The following CCDC30 variants were observed in gnomAD, a reference collection of about 807,000 sequenced individuals.
CCDC30 encodes the protein coiled-coil domain containing 30.
In CCDC30, 70 loss-of-function variants were observed where a neutral mutation model predicts 100.2. That is an observed-to-expected ratio of 0.70 (90% CI 0.58 to 0.85). The LOEUF (loss-of-function observed/expected upper bound fraction) is 0.85, where lower values mean the gene tolerates loss of function less well. Among genes scored for constraint, CCDC30 ranks in the 40% least tolerant of loss-of-function variants. The pLI, the probability that CCDC30 is intolerant of heterozygous loss-of-function variation, is 0.00. For missense variants in CCDC30, 652 were observed against 771.2 expected, an observed-to-expected ratio of 0.85 and a Z score of 1.83; for synonymous variants, 233 against 269.5, an observed-to-expected ratio of 0.86 and a Z score of 1.33.
chr1:42,603,125 G>C (rs934026356), intron 10 of CCDC30, among the ~76,000 whole-genome samples: 3 of 152,146 alleles, frequency 2.0e-5, no homozygotes, highest in Non-Finnish European at 4.4e-5. Context: ...ATTTCTTCCA[G>C]TCCTAGAGGT....
chr1:42,587,674 A>T (rs1458944643), intron 9 of CCDC30, among the ~76,000 whole-genome samples: 2 of 152,188 alleles, frequency 1.3e-5, no homozygotes, highest in African/African-American at 4.8e-5. Context: ...TACTGAAGTT[A>T]GAGAAAACAA....
upstream of CCDC30, chr1:42,460,314 A>G: frequency 6.1e-6 from 6 of 990,166 alleles, no homozygotes; most frequent in Non-Finnish European, 7.2e-6. Flanking sequence ...CTGAGCCATG[A>G]GGATTAAAAA....
rs149916724 is a variant in CCDC30, at chr1:42,467,376, C to T, written c.-92+3478C>T. ...AATAGTAGGCAAGCCTAAACTAAGG[C>T]AGTAACCCTAGACATGGAGAGGATG... On this transcript the variant is annotated intron_variant, in intron 1 of 16. Coordinates refer to ENST00000668663, the Ensembl canonical transcript of CCDC30. Among the ~76,000 whole-genome samples, 341 of 152,266 alleles carry T rather than the reference C, an allele frequency of 2.2e-3. 2 individuals carry two copies. Among genetic ancestry groups the T allele is most frequent in the African/African-American group, 7.9e-3 (328 of 41,550 alleles).
chr1:42,646,697 CCCT>C (rs1391670521), intron 15 of CCDC30, among the ~76,000 whole-genome samples: 1 of 152,200 alleles, frequency 6.6e-6, no homozygotes, highest in Non-Finnish European at 1.5e-5. Context: ...CCAGGATAAC[CCCT>C]TTGGGACCTC....
At chr1:42,566,399 A>G in exon 7 of CCDC30, 10 of 1,614,064 alleles carry the variant, frequency 6.2e-6, no homozygotes, top group Non-Finnish European at 8.5e-6. Context: ...TCAGCTGAAA[A>G]TGAGCTTCGA....
intron 1 of CCDC30, among the ~76,000 whole-genome samples, chr1:42,478,746 G>A (rs2148451610): frequency 6.6e-6 from 1 of 152,222 alleles, no homozygotes; most frequent in African/African-American, 2.4e-5. Context: ...GGAACGGAGT[G>A]AGATCCTGTC....
intron 6 of CCDC30, among the ~76,000 whole-genome samples, chr1:42,561,775 G>T (rs1645492749): frequency 6.6e-6 from 1 of 152,160 alleles, no homozygotes; most frequent in South Asian, 2.1e-4. Flanking sequence ...CAAAATCAAT[G>T]TGCAAAAACC....
At chr1:42,642,177 G>A (rs774284160) in intron 12 of CCDC30, among the ~76,000 whole-genome samples, 3 of 151,908 alleles carry the variant, frequency 2.0e-5, no homozygotes, top group African/African-American at 4.8e-5. Flanking sequence ...AGTGAGCAGA[G>A]ATCACGCCAC....
Position 42,539,317 on chromosome 1 carries a change from C to A in CCDC30, c.457-26979C>A. The A allele has an allele frequency of 6.3e-7, 1 of 1,593,266 alleles. No homozygotes were observed. The highest frequency in any genetic ancestry group is 1.2e-5 in the South Asian group (1 of 86,104). ...TTCTGAATTAGAAACAAAGGTGAGA[C>A]TGAGTTAGGTATTTAAATGTTCAAT... On this transcript the variant is annotated intron_variant, in intron 6 of 16. Transcript: ENST00000668663.
chr1:42,563,667 A>G (rs887366756), intron 6 of CCDC30, among the ~76,000 whole-genome samples: 2 of 152,194 alleles, frequency 1.3e-5, no homozygotes, highest in African/African-American at 2.4e-5. Context: ...GATCACCTTC[A>G]GAAGTTGGAG....
At chr1:42,471,894 A>T (rs77886465) in intron 1 of CCDC30, among the ~76,000 whole-genome samples, 5 of 145,066 alleles carry the variant, frequency 3.4e-5, no homozygotes, top group Non-Finnish European at 6.1e-5. Flanking sequence ...TTTTGCTTTT[A>T]AAAAGCAAAA....
upstream of CCDC30, among the ~76,000 whole-genome samples, chr1:42,461,980 T>C (rs768257126): frequency 1.3e-5 from 2 of 152,148 alleles, no homozygotes; most frequent in Non-Finnish European, 2.9e-5. Context: ...ATTCATAGCT[T>C]TATGTGGATG....
chr1:42,637,260 A>C (rs1647178519), exon 12 of CCDC30: 2 of 1,585,174 alleles, frequency 1.3e-6, no homozygotes, highest in Non-Finnish European at 1.7e-6. Context: ...AAACATCACC[A>C]ACAAAAAGTC....
intron 11 of CCDC30, among the ~76,000 whole-genome samples, chr1:42,618,568 T>C (rs977447611): frequency 6.6e-6 from 1 of 152,178 alleles, no homozygotes; most frequent in African/African-American, 2.4e-5. Flanking sequence ...CAAACGTTCC[T>C]AGCAGAAAGG....
chr1:42,619,327 G>A (rs931686852), intron 11 of CCDC30, among the ~76,000 whole-genome samples: 8 of 152,160 alleles, frequency 5.3e-5, no homozygotes, highest in Admixed American at 2.6e-4. Flanking sequence ...CTGCAAAAAC[G>A]CATTTAAGGG....
the CCDC30 span, chr1:42,457,458 G>C: frequency 5.3e-6 from 5 of 936,076 alleles, no homozygotes; most frequent in Non-Finnish European, 8.6e-6. Flanking sequence ...CTAGGCACAG[G>C]GGATACAGAG....
chr1:42,576,403 G>A (rs1165793584), intron 7 of CCDC30, among the ~76,000 whole-genome samples: 1 of 152,200 alleles, frequency 6.6e-6, no homozygotes, highest in African/African-American at 2.4e-5. Flanking sequence ...TTGGATGGTG[G>A]CATTATTTAC....
chr1:42,456,274 T>A, the CCDC30 span: 1 of 597,990 alleles, frequency 1.7e-6, no homozygotes, highest in African/African-American at 1.9e-5. Flanking sequence ...CAGTGGCCGG[T>A]AAGGGTCAAA....
At chr1:42,546,435 T>A (rs1645145474) in intron 6 of CCDC30, among the ~76,000 whole-genome samples, 3 of 102,344 alleles carry the variant, frequency 2.9e-5, no homozygotes, top group South Asian at 3.4e-4. Flanking sequence ...TATATATATA[T>A]ATATATAGTA....
Sources: allele counts gnomAD v4.1 joint callset (sites outside exome capture counted in the v4.1 genomes callset), GRCh38; gene constraint gnomAD v4.1.1; transcripts MANE v1.5; gene names NCBI Gene and HGNC (gene_info 2026-07-23, HGNC 2026-07-21).